BCAS3: variants seen among roughly 807,000 people sequenced by gnomAD.
BCAS3 encodes the protein BCAS3 microtubule associated cell migration factor.
Under a neutral mutation model 116.1 loss-of-function variants are expected in BCAS3, and 53 were observed. That is an observed-to-expected ratio of 0.46 (90% CI 0.37 to 0.57). The LOEUF is 0.57. Ranked by LOEUF, BCAS3 falls within the 20% of genes least tolerant of loss-of-function variation. The probability of loss-of-function intolerance (pLI) is 0.00; values close to 1 mark genes in which losing one functional copy is unlikely to be tolerated. For missense variants in BCAS3, 917 were observed against 1,165.4 expected (o/e 0.79, Z 3.10); for synonymous variants, 391 against 408.2 (o/e 0.96, Z 0.51).
At chr17:61,114,775 T>A (rs921622348) in intron 22 of BCAS3, among the ~76,000 whole-genome samples, 1 of 149,612 alleles carries the variant, frequency 6.7e-6, no homozygotes, top group Non-Finnish European at 1.5e-5. Flanking sequence ...AGAGCCCGCA[T>A]CGCCAAGGCA....
In BCAS3 at chr17:60,967,628, C is replaced by T. The variant is rs75141903; in HGVS notation, c.1221+20276C>T. ...TATTTCTTTGGCTGCATTTTCTACC[C>T]TTTAGTCTTATCTCCCTCTTGAATA... On this transcript the variant is annotated intron_variant, in intron 14 of 23. Transcript: ENST00000407086. This position sits in a 1 kb window ranked among gnomAD's most constrained non-coding sequence, Gnocchi z 4.7. Among the ~76,000 whole-genome samples the T allele has an allele frequency of 3.6e-3, 547 of 152,140 alleles. 9 individuals carry two copies. The East Asian group carries it at 0.076, about 21-fold the overall frequency.
intron 22 of BCAS3, among the ~76,000 whole-genome samples, chr17:61,116,176 G>A (rs1015877000): frequency 6.6e-6 from 1 of 151,750 alleles, no homozygotes; most frequent in South Asian, 2.1e-4. Context: ...CACCAGCATG[G>A]CACATGTATA....
chr17:61,091,582 G>A (rs1568333775), intron 22 of BCAS3, among the ~76,000 whole-genome samples: 1 of 152,182 alleles, frequency 6.6e-6, no homozygotes, highest in African/African-American at 2.4e-5. Flanking sequence ...CCTCTCCATT[G>A]AATAGTAAGC....
rs1248451153 is a variant in BCAS3 at position 61,205,123 on chromosome 17, T to C, written c.2425+120559T>C. 2.0e-5 allele frequency among the ~76,000 whole-genome samples: 3 copies of C among 152,058 alleles called. No homozygotes were observed. Among genetic ancestry groups the C allele is most frequent in the Non-Finnish European group, 4.4e-5 (3 of 68,022 alleles). On this transcript the variant is annotated intron_variant, in intron 22 of 23. Transcript: ENST00000407086. This position sits in a 1 kb window ranked among gnomAD's most constrained non-coding sequence, Gnocchi z 5.2. ...CTTTTGGTCCACACTAAGTAAGAAG[T>C]ATTATTTTTCTCATTTCTACCTATG...
Position 61,124,243 on chromosome 17 carries a change from A to G in BCAS3, c.2425+39679A>G, listed in dbSNP as rs1364314424. ...TTTCTACAGGACAATAAAACCTGGG[A>G]TTCTCCTCCACAAAATGAAACATGA... On this transcript the variant is annotated intron_variant, in intron 22 of 23. Coordinates refer to ENST00000407086, the MANE Select transcript of BCAS3 (RefSeq NM_017679.5). This position sits in a 1 kb window ranked among gnomAD's most constrained non-coding sequence, Gnocchi z 4.6. 1.3e-5 allele frequency among the ~76,000 whole-genome samples: 2 copies of G among 152,040 alleles called. No homozygotes were observed. Among genetic ancestry groups the G allele is most frequent in the Admixed American group, 6.6e-5 (1 of 15,262 alleles).
chr17:60,826,253 G>A (rs1031139310), intron 7 of BCAS3, among the ~76,000 whole-genome samples: 3 of 151,638 alleles, frequency 2.0e-5, no homozygotes, highest in South Asian at 4.2e-4. Flanking sequence ...GTGTAATCTC[G>A]TCTTACTGCG....
At chr17:61,294,147 G>A (rs1227839083) in intron 22 of BCAS3, among the ~76,000 whole-genome samples, 1 of 152,194 alleles carries the variant, frequency 6.6e-6, no homozygotes, top group Non-Finnish European at 1.5e-5. Flanking sequence ...TCCAAAATAA[G>A]TTATTTTAAA....
At chr17:60,861,740 A>G (rs1032445469) in intron 7 of BCAS3, among the ~76,000 whole-genome samples, 1 of 152,084 alleles carries the variant, frequency 6.6e-6, no homozygotes, top group African/African-American at 2.4e-5. Flanking sequence ...ATCCCTTGAG[A>G]TGATCATTTG....
chr17:61,374,894 A>G (rs775353140), intron 23 of BCAS3, among the ~76,000 whole-genome samples: 1 of 152,238 alleles, frequency 6.6e-6, no homozygotes, highest in Non-Finnish European at 1.5e-5. Context: ...GTGATTTCAC[A>G]ATACATTGGT....
chr17:61,192,001 T>C (rs2080161695), intron 22 of BCAS3, among the ~76,000 whole-genome samples: 1 of 151,686 alleles, frequency 6.6e-6, no homozygotes, highest in Non-Finnish European at 1.5e-5. Context: ...TCCCAGCACT[T>C]TGGGAGGCCG....
At chr17:61,052,648 C>T (rs895519276) in intron 19 of BCAS3, among the ~76,000 whole-genome samples, 2 of 150,732 alleles carry the variant, frequency 1.3e-5, no homozygotes, top group African/African-American at 4.9e-5. Flanking sequence ...GTTCCTTTGA[C>T]AAAATCTTAG....
In BCAS3 at chr17:61,356,238, C is replaced by T. The variant is rs2058131708; in HGVS notation, c.2426-12089C>T. Among the ~76,000 whole-genome samples the T allele has an allele frequency of 6.6e-6, 1 of 152,228 alleles. No individual in the cohort carries two copies. Among genetic ancestry groups the T allele is most frequent in the African/African-American group, 2.4e-5 (1 of 41,458 alleles). On this transcript the variant is annotated intron_variant, in intron 22 of 23. Coordinates refer to ENST00000407086, the MANE Select transcript of BCAS3 (RefSeq NM_017679.5). The surrounding 1 kb of genome is among the most constrained non-coding windows in gnomAD (Gnocchi z 5.4). ...CGAACTCCTGACCTCAGGTGATCCA[C>T]ACGCCTCGGCCTCCCAAAGTGCTGG...
intron 11 of BCAS3, among the ~76,000 whole-genome samples, chr17:60,908,254 G>A (rs2058295589): frequency 6.6e-6 from 1 of 151,496 alleles, no homozygotes. Context: ...CTTTTTCCTG[G>A]TTCTCTTATG....
At position 61,051,675 on chromosome 17, in the gene BCAS3, G is replaced by C. The variant is rs989970720; in HGVS notation, c.2029+10783G>C. 2.0e-5 allele frequency among the ~76,000 whole-genome samples: 3 copies of C among 152,136 alleles called. No individual in the cohort carries two copies. Among genetic ancestry groups the C allele is most frequent in the Admixed American group, 2.0e-4 (3 of 15,274 alleles). On this transcript the variant is annotated intron_variant, in intron 19 of 23. Transcript: ENST00000407086. The surrounding 1 kb of genome is among the most constrained non-coding windows in gnomAD (Gnocchi z 4.1). ...TGCAGTGTCTTAGTCATGGTTCACT[G>C]TGGCCTCCAACTCCTGAACTTGAGT...
chr17:61,283,072 G>A (rs986387366), intron 22 of BCAS3, among the ~76,000 whole-genome samples: 1 of 151,980 alleles, frequency 6.6e-6, no homozygotes, highest in African/African-American at 2.4e-5. Flanking sequence ...AATACTAAAA[G>A]TTGTGTTGTT....
At position 60,965,473 on chromosome 17, in the gene BCAS3, G is replaced by A. The variant is rs535247350; in HGVS notation, c.1221+18121G>A. On this transcript the variant is annotated intron_variant, in intron 14 of 23. Transcript: ENST00000407086. Reference sequence around the variant, plus strand: ...CTGACCTCAAGTGATCTGCCCCCTCGGCTTACCAAAGTGCTGGGATTACAG... The same window carrying A: ...CTGACCTCAAGTGATCTGCCCCCTCAGCTTACCAAAGTGCTGGGATTACAG... Among the ~76,000 whole-genome samples, 574 of 151,860 alleles carry A rather than the reference G, an allele frequency of 3.8e-3. 3 individuals carry two copies. Among genetic ancestry groups the A allele is most frequent in the African/African-American group, 0.013 (542 of 41,426 alleles).
At chr17:60,766,625 G>A (rs1052004852) in intron 6 of BCAS3, among the ~76,000 whole-genome samples, 1 of 152,198 alleles carries the variant, frequency 6.6e-6, no homozygotes, top group Non-Finnish European at 1.5e-5. Flanking sequence ...ACTGGGAGGT[G>A]TCTCCAAGTT....
At chr17:60,844,687 T>G (rs2052336328) in intron 7 of BCAS3, among the ~76,000 whole-genome samples, 1 of 152,194 alleles carries the variant, frequency 6.6e-6, no homozygotes, top group Non-Finnish European at 1.5e-5. Flanking sequence ...CATGGGATGC[T>G]GAGTAGGACA....
Position 60,888,963 on chromosome 17 carries a change from TAGTC to T in BCAS3, c.662-729_662-726del, listed in dbSNP as rs149984684. Among the ~76,000 whole-genome samples the T allele has an allele frequency of 3.7e-3, 568 of 152,292 alleles. 2 individuals carry two copies. The highest frequency in any genetic ancestry group is 6.2e-3 in the Non-Finnish European group (419 of 68,014). ...GCTTTTGAGCATAGCAATAGGAACA[TAGTC>T]AGAATGACTAGGGAGTGGCAGCAGG... On this transcript the variant is annotated intron_variant, in intron 9 of 23. Transcript: ENST00000407086.
Sources: allele counts gnomAD v4.1 joint callset (sites outside exome capture counted in the v4.1 genomes callset), GRCh38; gene constraint gnomAD v4.1.1; non-coding constraint Gnocchi (gnomAD v3.1); transcripts MANE v1.5; gene names NCBI Gene and HGNC (gene_info 2026-07-23, HGNC 2026-07-21).